The following CSMD3 variants were observed in gnomAD, a reference collection of about 807,000 sequenced individuals.
CSMD3 encodes the protein CUB and Sushi multiple domains 3, also known as CUB and sushi domain-containing protein 3.
Under a neutral mutation model 435.2 loss-of-function variants are expected in CSMD3, and 177 were observed. The observed-to-expected ratio is 0.41, with a 90% CI of 0.36 to 0.46. CSMD3 has a LOEUF of 0.46. Ranked by LOEUF, CSMD3 falls within the 20% of genes least tolerant of loss-of-function variation. The pLI is 0.34. For synonymous variants in CSMD3, 1,656 were observed against 1,520.5 expected, an observed-to-expected ratio of 1.09 and a Z score of -2.07; for missense variants, 4,265 against 4,504.6, an observed-to-expected ratio of 0.95 and a Z score of 1.52.
chr8:112,796,801 T>C (rs2078840495), intron 13 of CSMD3, among the ~76,000 whole-genome samples: 1 of 151,946 alleles, frequency 6.6e-6, no homozygotes, highest in Non-Finnish European at 1.5e-5. Context: ...AAAAAAAATC[T>C]CCTGTGAATC....
rs192786511 is a variant in CSMD3, at chr8:112,742,319, G to T, written c.1973-52269C>A. Among the ~76,000 whole-genome samples, 303 of 151,870 alleles carry T rather than the reference G, an allele frequency of 2.0e-3. 3 individuals carry two copies. In the Middle Eastern group the frequency reaches 0.027, roughly 14 times the overall value. On this transcript the variant is annotated intron_variant, in intron 13 of 70. Transcript: ENST00000297405. ...TTAAGATATAACATTTCTCCTTAAT[G>T]CCTCCTTTTCCATTATCAGCAGAGA...
intron 9 of CSMD3, among the ~76,000 whole-genome samples, chr8:112,930,565 A>G (rs1242128608): frequency 6.6e-6 from 1 of 152,062 alleles, no homozygotes; most frequent in Non-Finnish European, 1.5e-5. Flanking sequence ...AATTATCCAA[A>G]ATGATCAAGT....
intron 10 of CSMD3, among the ~76,000 whole-genome samples, chr8:112,885,364 GTA>G (rs5894114): frequency 0.78 from 116,283 of 148,612 alleles, 45,962 homozygotes; most frequent in East Asian, 0.93. Flanking sequence ...CAAATAGCCA[GTA>G]TATATATATA....
chr8:112,789,013 T>C lies in CSMD3; in HGVS notation c.1972+11149A>G, dbSNP rs1003930652. Reference sequence around the variant, plus strand: ...TATCAAAAAATTCCCACACAAAATATCACATGTGACTTGGTAATTTTTCCT... The same window carrying C: ...TATCAAAAAATTCCCACACAAAATACCACATGTGACTTGGTAATTTTTCCT... On this transcript the variant is annotated intron_variant, in intron 13 of 70. Transcript: ENST00000297405. 3.3e-5 allele frequency among the ~76,000 whole-genome samples: 5 copies of C among 152,156 alleles called. No homozygotes were observed. In the East Asian group the frequency reaches 7.7e-4, roughly 24 times the overall value.
intron 9 of CSMD3, among the ~76,000 whole-genome samples, chr8:112,927,978 C>G (rs191898650): frequency 6.6e-6 from 1 of 152,170 alleles, no homozygotes; most frequent in Non-Finnish European, 1.5e-5. Context: ...TAACCCCAAG[C>G]TTGGTCATTT....
At chr8:113,119,866 A>T (rs72685848) in intron 4 of CSMD3, among the ~76,000 whole-genome samples, 10,145 of 152,174 alleles carry the variant, frequency 0.067, 454 homozygotes, top group Non-Finnish European at 0.095. Flanking sequence ...TGGTTTATGC[A>T]TATAGAACAA....
intron 35 of CSMD3, among the ~76,000 whole-genome samples, chr8:112,400,344 T>A (rs1831213124): frequency 6.6e-6 from 1 of 152,110 alleles, no homozygotes; most frequent in African/African-American, 2.4e-5. Flanking sequence ...CCATTGGTCA[T>A]CTCCTAATGG....
At chr8:112,246,014 C>T (rs1028889155) in intron 64 of CSMD3, among the ~76,000 whole-genome samples, 1 of 152,122 alleles carries the variant, frequency 6.6e-6, no homozygotes, top group Non-Finnish European at 1.5e-5. Flanking sequence ...TTTAAACTAT[C>T]ATATCCCAAC....
intron 6 of CSMD3, among the ~76,000 whole-genome samples, chr8:112,983,724 G>T (rs1294776548): frequency 6.6e-6 from 1 of 151,762 alleles, no homozygotes; most frequent in African/African-American, 2.4e-5. Flanking sequence ...TTTATCATAA[G>T]TTGATATCTG....
At chr8:113,241,550 T>A (rs949206899) in intron 3 of CSMD3, among the ~76,000 whole-genome samples, 1 of 151,884 alleles carries the variant, frequency 6.6e-6, no homozygotes, top group Admixed American at 6.6e-5. Flanking sequence ...TCCTGATGAG[T>A]TCTTCAAATG....
At chr8:113,048,595 TTACA>T (rs1483133169) in intron 5 of CSMD3, among the ~76,000 whole-genome samples, 2 of 151,414 alleles carry the variant, frequency 1.3e-5, no homozygotes, top group African/African-American at 2.5e-5. Context: ...ATTTGAATAA[TTACA>T]TACTTCTTAA....
At chr8:113,223,311 T>A (rs1223957655) in intron 3 of CSMD3, among the ~76,000 whole-genome samples, 1 of 150,484 alleles carries the variant, frequency 6.6e-6, no homozygotes, top group Non-Finnish European at 1.5e-5. Flanking sequence ...TTTTTAAGAT[T>A]TTTGTGTTCT....
chr8:112,973,896 G>A (rs1412338741), intron 7 of CSMD3, among the ~76,000 whole-genome samples: 1 of 151,836 alleles, frequency 6.6e-6, no homozygotes, highest in Non-Finnish European at 1.5e-5. Context: ...TTAAGTCACT[G>A]TCAATAATGA....
intron 1 of CSMD3, among the ~76,000 whole-genome samples, chr8:113,363,809 G>A (rs560614776): frequency 5.3e-5 from 8 of 152,214 alleles, no homozygotes; most frequent in African/African-American, 1.7e-4. Context: ...CCAAGAATTA[G>A]GACCTGGTAT....
At chr8:112,911,377 A>G (rs2082406423) in intron 10 of CSMD3, among the ~76,000 whole-genome samples, 1 of 151,876 alleles carries the variant, frequency 6.6e-6, no homozygotes, top group South Asian at 2.1e-4. Context: ...CCATCACCTC[A>G]CATACTTTTG....
rs1195525606 is a variant in CSMD3, at chr8:112,491,962, GT to G, written c.5278+526del. Among the ~76,000 whole-genome samples, 7 of 152,080 alleles carry G rather than the reference GT, an allele frequency of 4.6e-5. No individual in the cohort carries two copies. In the East Asian group the frequency reaches 1.3e-3, roughly 29 times the overall value. On this transcript the variant is annotated intron_variant, in intron 31 of 70. Transcript: ENST00000297405. Reference sequence around the variant, plus strand: ...GTTTTTCCTTTCTTATATAGAGAGAGTTATATACAAGTATATGATTTTTAAA... The same window carrying G: ...GTTTTTCCTTTCTTATATAGAGAGAGTATATACAAGTATATGATTTTTAAA...
chr8:112,784,909 C>T (rs917032197), intron 13 of CSMD3, among the ~76,000 whole-genome samples: 1 of 151,924 alleles, frequency 6.6e-6, no homozygotes, highest in Non-Finnish European at 1.5e-5. Context: ...CAAACTCATT[C>T]TACAAGGACA....
intron 3 of CSMD3, among the ~76,000 whole-genome samples, chr8:113,257,765 A>T (rs1006241260): frequency 6.6e-6 from 1 of 152,238 alleles, no homozygotes; most frequent in African/African-American, 2.4e-5. Flanking sequence ...TGGCAAATTA[A>T]AGCATCTCAC....
chr8:113,156,748 A>ATAAATAATTAAATAAT (rs1554792365), intron 4 of CSMD3, among the ~76,000 whole-genome samples: 10 of 147,280 alleles, frequency 6.8e-5, no homozygotes, highest in Non-Finnish European at 1.3e-4. Context: ...AAATAAATAA[A>ATAAATAATTAAATAAT]TAAATAAATA....
Sources: gnomAD v4.1 joint callset for allele counts (sites outside exome capture counted in the v4.1 genomes callset) on GRCh38, gnomAD v4.1.1 for gene constraint, MANE v1.5 for transcripts, NCBI Gene and HGNC (gene_info 2026-07-23, HGNC 2026-07-21) for gene names.